PEX5L: variants seen among roughly 807,000 people sequenced by gnomAD.
PEX5L encodes peroxisomal biogenesis factor 5 like.
In PEX5L, 30 loss-of-function variants were observed where a neutral mutation model predicts 84.0. That is an observed-to-expected ratio of 0.36 (90% CI 0.27 to 0.48). The LOEUF (loss-of-function observed/expected upper bound fraction) is 0.48. Ranked by LOEUF, PEX5L falls within the 20% of genes least tolerant of loss-of-function variation. The probability of loss-of-function intolerance (pLI) is 0.99; values close to 1 mark genes in which losing one functional copy is unlikely to be tolerated. For synonymous variants in PEX5L, 270 were observed against 283.1 expected (o/e 0.95, Z 0.46); for missense variants, 533 against 754.6 (o/e 0.71, Z 3.44).
chr3:179,991,763 C>T lies in PEX5L; in HGVS notation c.22-20098G>A, dbSNP rs1156272764. 2.0e-5 allele frequency among the ~76,000 whole-genome samples: 3 copies of T among 152,144 alleles called. No individual in the cohort carries two copies. In the East Asian group the frequency reaches 5.8e-4, roughly 29 times the overall value. On this transcript the variant is annotated intron_variant, in intron 1 of 14. Coordinates refer to ENST00000467460, the MANE Select transcript of PEX5L (RefSeq NM_016559.3). ...CTTCTTCTGTCTAAATAATTTCTAACACTATACCATCCATTCTCTTTCTCC... is the reference window on the plus strand; with the variant it reads ...CTTCTTCTGTCTAAATAATTTCTAATACTATACCATCCATTCTCTTTCTCC...
At chr3:179,828,862 T>C (rs181087551) in intron 8 of PEX5L, among the ~76,000 whole-genome samples, 1 of 152,176 alleles carries the variant, frequency 6.6e-6, no homozygotes. Context: ...GAAACTCATC[T>C]CCAATTAGCC....
intron 8 of PEX5L, chr3:179,820,229 C>T (rs989405676): frequency 3.5e-5 from 17 of 492,592 alleles, no homozygotes; most frequent in African/African-American, 2.1e-4. Flanking sequence ...ATGCCAAATT[C>T]AGCTAAAAAC....
chr3:179,870,458 G>C lies in PEX5L; in HGVS notation c.726+3869C>G, dbSNP rs181007635. On this transcript the variant is annotated intron_variant, in intron 7 of 14. Transcript: ENST00000467460. ...TAGCCCCAAACTCCTCGGGGAGATGGATTTGAGGTTTCCTCCCATCTCCTT... is the reference window on the plus strand; with the variant it reads ...TAGCCCCAAACTCCTCGGGGAGATGCATTTGAGGTTTCCTCCCATCTCCTT... 6.5e-5 allele frequency among the ~76,000 whole-genome samples: 9 copies of C among 137,656 alleles called. No homozygotes were observed. In the East Asian group the frequency reaches 2.8e-3, roughly 43 times the overall value. 90.3% of individuals were successfully genotyped at this position (137,656 alleles called of 152,430 possible). A position where few individuals can be genotyped will look rare whatever the true frequency, so the allele number is the denominator to read the frequency against.
intron 1 of PEX5L, among the ~76,000 whole-genome samples, chr3:179,989,813 A>ACAG (rs1185356213): frequency 6.6e-6 from 1 of 152,222 alleles, no homozygotes; most frequent in African/African-American, 2.4e-5. Flanking sequence ...GGCTGTTTCC[A>ACAG]CAGCATATAT....
intron 1 of PEX5L, among the ~76,000 whole-genome samples, chr3:180,028,232 C>T (rs960045330): frequency 2.0e-5 from 3 of 152,096 alleles, no homozygotes; most frequent in African/African-American, 7.2e-5. Context: ...TTTAAATCTT[C>T]ATCATTCTTT....
rs1356793721 is a variant in PEX5L at position 179,819,985 on chromosome 3, C to A, written c.823-9G>T. The stretch of plus-strand genomic sequence containing the variant: ...CAAAACTCTGTATCTGACTGGGAGA[C>A]AGGAAAAATGAATGGAGATGGATTT... On this transcript the variant is annotated splice_polypyrimidine_tract_variant and intron_variant, in intron 8 of 14. Transcript: ENST00000467460. 3 of 1,612,616 alleles carry A rather than the reference C, an allele frequency of 1.9e-6. No individual in the cohort carries two copies. The highest frequency in any genetic ancestry group is 2.5e-6 in the Non-Finnish European group (3 of 1,178,918).
At chr3:179,948,200 G>A (rs972822375) in intron 2 of PEX5L, among the ~76,000 whole-genome samples, 3 of 152,128 alleles carry the variant, frequency 2.0e-5, no homozygotes, top group African/African-American at 7.2e-5. Context: ...AAAGGGCCTG[G>A]AAGTTCAGTT....
intron 3 of PEX5L, chr3:179,888,137 C>T (rs1243836949): frequency 1.9e-5 from 25 of 1,291,060 alleles, no homozygotes; most frequent in Non-Finnish European, 1.8e-5. Flanking sequence ...AAAGCTCCTA[C>T]TGAGACCTGG....
intron 1 of PEX5L, among the ~76,000 whole-genome samples, chr3:179,975,137 C>A (rs1561005690): frequency 6.6e-6 from 1 of 151,994 alleles, no homozygotes; most frequent in Non-Finnish European, 1.5e-5. Context: ...TGCAGTAAGC[C>A]ATGAATGCAC....
intron 2 of PEX5L, among the ~76,000 whole-genome samples, chr3:179,920,243 A>C (rs1768842094): frequency 6.6e-6 from 1 of 152,222 alleles, no homozygotes; most frequent in South Asian, 2.1e-4. Flanking sequence ...AATCAGAACC[A>C]GCGTGCTCCC....
intron 2 of PEX5L, among the ~76,000 whole-genome samples, chr3:179,929,519 C>T (rs1308429510): frequency 7.1e-6 from 1 of 141,086 alleles, no homozygotes; most frequent in South Asian, 2.2e-4. Context: ...AAGTCAGAAG[C>T]TGTTAAATAT....
intron 2 of PEX5L, among the ~76,000 whole-genome samples, chr3:179,930,515 T>C (rs899685165): frequency 6.6e-6 from 1 of 152,350 alleles, no homozygotes; most frequent in Admixed American, 6.5e-5. Context: ...ATGAATATGG[T>C]GCTTTGCCTA....
Position 179,797,588 on chromosome 3 carries a change from T to TAAA in PEX5L, c.*4239_*4240insTTT, listed in dbSNP as rs1560109935. ...GCCAGAGTTTATCTATGAACACTCT[T>TAAA]TAAAAAAAAAAAAAAAAATATATAT... On this transcript the variant is annotated 3_prime_UTR_variant, in exon 15 of 15. Transcript: ENST00000467460. 3 of 51,848 alleles carry TAAA rather than the reference T, an allele frequency of 5.8e-5. No homozygotes were observed. Among genetic ancestry groups the TAAA allele is most frequent in the African/African-American group, 2.0e-4 (3 of 14,734 alleles). The allele number at this position is 51,848 out of a possible 1,614,324, so 3.2% of individuals were successfully genotyped here. A position where few individuals can be genotyped will look rare whatever the true frequency, so the allele number is the denominator to read the frequency against.
chr3:179,879,741 T>C (rs1040133567), intron 5 of PEX5L, among the ~76,000 whole-genome samples, 188 bp downstream of exon 5: 7 of 152,214 alleles, frequency 4.6e-5, no homozygotes, highest in Admixed American at 2.0e-4. Context: ...CAATCAGTTA[T>C]GCAAAGTTGA....
At chr3:179,898,729 A>G (rs187607811) in intron 2 of PEX5L, among the ~76,000 whole-genome samples, 1 of 152,222 alleles carries the variant, frequency 6.6e-6, no homozygotes, top group East Asian at 1.9e-4. Flanking sequence ...ATTGGGATAA[A>G]AAGAGTAAAA....
At chr3:179,925,641 CAAAT>C (rs1488238143) in intron 2 of PEX5L, among the ~76,000 whole-genome samples, 2 of 152,216 alleles carry the variant, frequency 1.3e-5, no homozygotes, top group East Asian at 3.9e-4. Context: ...ATTGCTGTAA[CAAAT>C]AATTTTGTGA....
chr3:179,870,674 G>T (rs1481939148), intron 7 of PEX5L, among the ~76,000 whole-genome samples: 1 of 152,050 alleles, frequency 6.6e-6, no homozygotes, highest in Non-Finnish European at 1.5e-5. Context: ...TCTCCTCTAT[G>T]AAGAGGATAT....
At chr3:179,933,635 C>T (rs1210394789) in intron 2 of PEX5L, among the ~76,000 whole-genome samples, 1 of 152,198 alleles carries the variant, frequency 6.6e-6, no homozygotes, top group South Asian at 2.1e-4. Context: ...CTTTACTTTT[C>T]CTCTTCCTAT....
intron 1 of PEX5L, among the ~76,000 whole-genome samples, chr3:180,009,303 T>G (rs1789206682): frequency 6.6e-6 from 1 of 152,174 alleles, no homozygotes; most frequent in Admixed American, 6.5e-5. Context: ...TGGTTCTATC[T>G]TGTTACACGT....
Sources: gnomAD v4.1 joint callset for allele counts (sites outside exome capture counted in the v4.1 genomes callset) on GRCh38, gnomAD v4.1.1 for gene constraint, MANE v1.5 for transcripts, NCBI Gene and HGNC (gene_info 2026-07-23, HGNC 2026-07-21) for gene names.